Variants in NRCAM observed in about 807,000 individuals in gnomAD.
NRCAM encodes neuronal cell adhesion molecule.
Under a neutral mutation model 156.5 loss-of-function variants are expected in NRCAM, and 83 were observed. The observed-to-expected ratio is 0.53, with a 90% CI of 0.44 to 0.64. NRCAM has a LOEUF of 0.64. Among genes scored for constraint, NRCAM ranks in the 30% least tolerant of loss-of-function variants. The probability of loss-of-function intolerance (pLI) is 0.00; values close to 1 mark genes in which losing one functional copy is unlikely to be tolerated. For missense variants in NRCAM, 1,417 were observed against 1,597.3 expected (o/e 0.89, Z 1.92); for synonymous variants, 538 against 563.9 (o/e 0.95, Z 0.65).
At chr7:108,318,497 T>TAA in intron 2 of NRCAM, among the ~76,000 whole-genome samples, 1 of 152,124 alleles carries the variant, frequency 6.6e-6, no homozygotes, top group African/African-American at 2.4e-5. Flanking sequence ...ATTCCCTTTC[T>TAA]CAAAGTAATA....
intron 1 of NRCAM, among the ~76,000 whole-genome samples, chr7:108,450,208 T>G (rs968530735): frequency 7.0e-6 from 1 of 142,440 alleles, no homozygotes; most frequent in Admixed American, 6.9e-5. Flanking sequence ...TAGGACAGTA[T>G]GTGAGTACAG....
intron 30 of NRCAM, 73 bp downstream of exon 30, chr7:108,166,848 C>T (rs2054687586): frequency 1.4e-6 from 2 of 1,418,972 alleles, no homozygotes; most frequent in Non-Finnish European, 9.8e-7. Flanking sequence ...CCACCAGCCC[C>T]CATCTCCAGC....
chr7:108,446,264 A>G (rs1844053407), intron 1 of NRCAM, among the ~76,000 whole-genome samples: 2 of 152,180 alleles, frequency 1.3e-5, no homozygotes, highest in South Asian at 4.2e-4. Flanking sequence ...CAAGTGCCTA[A>G]TTTAGAACCA....
In NRCAM at chr7:108,310,562, T is replaced by C. The variant is rs145893037; in HGVS notation, c.-107+2103A>G. On this transcript the variant is annotated intron_variant, in intron 3 of 32. Coordinates refer to ENST00000379028, the MANE Select transcript of NRCAM (RefSeq NM_001037132.4). ...ATGCATTTTTCTGAACATCACAGCA[T>C]GCCAGTGAATGTGGGAAAAACTACT... is the stretch of plus-strand genomic sequence containing the variant. Among the ~76,000 whole-genome samples the C allele has an allele frequency of 1.8e-3, 273 of 152,294 alleles. 2 individuals are homozygous for C. Among genetic ancestry groups the C allele is most frequent in the African/African-American group, 6.3e-3 (260 of 41,566 alleles).
chr7:108,299,134 G>GAAAGAAAGAAAGAAAGAAAA (rs1563164581), intron 3 of NRCAM, among the ~76,000 whole-genome samples: 1 of 85,570 alleles, frequency 1.2e-5, no homozygotes, highest in Non-Finnish European at 2.4e-5. Context: ...AAGAAAGAAA[G>GAAAGAAAGAAAGAAAGAAAA]AAAGAAAAGA....
In NRCAM at chr7:108,200,812, G is replaced by C. The variant is rs956219964; in HGVS notation, c.1208-2713C>G. On this transcript the variant is annotated intron_variant, in intron 13 of 32. Coordinates refer to ENST00000379028, the MANE Select transcript of NRCAM (RefSeq NM_001037132.4). ...ATGAAATACTACTCAGCCATACAAA[G>C]AAATGAAATAATGGCATTCACAGCA... Among the ~76,000 whole-genome samples, 5 of 143,720 alleles carry C rather than the reference G, an allele frequency of 3.5e-5. No individual in the cohort carries two copies. In the South Asian group the frequency reaches 1.1e-3, roughly 32 times the overall value. 94.3% of individuals were successfully genotyped at this position (143,720 alleles called of 152,430 possible).
At chr7:108,296,122 T>TA (rs1373626264) in intron 3 of NRCAM, among the ~76,000 whole-genome samples, 8 of 152,180 alleles carry the variant, frequency 5.3e-5, no homozygotes, top group Non-Finnish European at 4.4e-5. Flanking sequence ...TCCACAGTCT[T>TA]AAGAAGGATG....
intron 11 of NRCAM, among the ~76,000 whole-genome samples, chr7:108,213,812 T>C (rs1243593216): frequency 2.0e-5 from 3 of 152,200 alleles, no homozygotes; most frequent in Non-Finnish European, 2.9e-5. Context: ...TGAAGGGCTG[T>C]TGAATTTTGT....
chr7:108,399,955 T>C (rs894012966), intron 1 of NRCAM, among the ~76,000 whole-genome samples: 1 of 152,212 alleles, frequency 6.6e-6, no homozygotes, highest in African/African-American at 2.4e-5. Flanking sequence ...TACACCGTGC[T>C]CTATAATCAC....
intron 3 of NRCAM, among the ~76,000 whole-genome samples, chr7:108,305,949 CAA>C (rs2098708754): frequency 6.6e-6 from 1 of 152,048 alleles, no homozygotes. Context: ...CCGCAAGTTC[CAA>C]AAGAGAAGTT....
chr7:108,310,734 T>G (rs573064878), intron 3 of NRCAM, among the ~76,000 whole-genome samples: 1 of 152,200 alleles, frequency 6.6e-6, no homozygotes, highest in Admixed American at 6.5e-5. Context: ...GGAAACAAAT[T>G]GGGAAGACTC....
At chr7:108,381,411 G>C (rs571694287) in intron 2 of NRCAM, among the ~76,000 whole-genome samples, 1 of 152,222 alleles carries the variant, frequency 6.6e-6, no homozygotes, top group South Asian at 2.1e-4. Context: ...GGAGATAAAA[G>C]ACAATTTTGA....
chr7:108,191,777 T>C lies in NRCAM; in HGVS notation c.1855A>G (p.Asn619Asp). 1.2e-6 allele frequency: 2 copies of C among 1,614,096 alleles called. No individual in the cohort carries two copies. Among genetic ancestry groups the C allele is most frequent in the Non-Finnish European group, 1.7e-6 (2 of 1,180,024 alleles). Residue 619 changes from asparagine to aspartate, a missense_variant, in exon 18 of 33, where the codon AAC becomes GAC. By Grantham distance (23) the Asn-to-Asp change is conservative. Around this residue, in one of 2 missense-constraint regions of NRCAM, gnomAD observed 1,238 missense variants for 1,336.4 expected, o/e 0.93. Transcript: ENST00000379028. ...DDSGTYTCVA[N>D]TTLDSVSASA... ...GCGGAGACGCTGTCCAGAGTGGTGT[T>C]GGCCACACACGTGTAGGTCCCGCTG...
intron 2 of NRCAM, among the ~76,000 whole-genome samples, chr7:108,330,826 ACT>A (rs1593703185): frequency 6.6e-6 from 1 of 152,028 alleles, no homozygotes; most frequent in East Asian, 1.9e-4. Flanking sequence ...GGTTTAACAC[ACT>A]CTGAAAGAGG....
rs1435627148 is a variant in NRCAM, at chr7:108,263,056, A to G, written c.-106-22886T>C. ...GAAGGAAGGTGAACATCATAAACCC[A>G]TGGAGACCACTGACACAACCCTCAT... On this transcript the variant is annotated intron_variant, in intron 3 of 32. Transcript: ENST00000379028. Among the ~76,000 whole-genome samples the G allele has an allele frequency of 2.6e-5, 4 of 152,204 alleles. No individual in the cohort carries two copies. The East Asian group carries it at 5.8e-4, about 22-fold the overall frequency.
At chr7:108,406,341 C>T (rs1046973091) in intron 1 of NRCAM, among the ~76,000 whole-genome samples, 2 of 152,116 alleles carry the variant, frequency 1.3e-5, no homozygotes, top group African/African-American at 2.4e-5. Flanking sequence ...ACAAAGAAAG[C>T]GAGTGAAGCT....
At chr7:108,333,030 C>A (rs2154251775) in intron 2 of NRCAM, among the ~76,000 whole-genome samples, 1 of 152,282 alleles carries the variant, frequency 6.6e-6, no homozygotes, top group Non-Finnish European at 1.5e-5. Flanking sequence ...TATGATTCAA[C>A]CTAACTACTT....
At chr7:108,170,579 G>T (rs967666311) in intron 28 of NRCAM, among the ~76,000 whole-genome samples, 48 of 152,094 alleles carry the variant, frequency 3.2e-4, no homozygotes, top group African/African-American at 1.2e-3. Flanking sequence ...CTCCTTTCCA[G>T]ACCAAACCAA....
intron 2 of NRCAM, among the ~76,000 whole-genome samples, chr7:108,377,270 A>G (rs932873026): frequency 6.6e-6 from 1 of 152,196 alleles, no homozygotes; most frequent in Non-Finnish European, 1.5e-5. Context: ...CACACACACA[A>G]AAACTCACTT....
Sources: allele counts gnomAD v4.1 joint callset (sites outside exome capture counted in the v4.1 genomes callset), GRCh38; gene constraint gnomAD v4.1.1; regional missense constraint gnomAD v4.1.1; transcripts MANE v1.5; gene names NCBI Gene and HGNC (gene_info 2026-07-23, HGNC 2026-07-21).